Variants in HSD17B3 observed in about 807,000 individuals in gnomAD.
The protein encoded by HSD17B3 is 17-beta-hydroxysteroid dehydrogenase type 3.
Under a neutral mutation model 41.1 loss-of-function variants are expected in HSD17B3, and 29 were observed. The ratio of observed to expected loss-of-function variants is 0.71; its 90% confidence interval spans 0.53 to 0.96. The LOEUF is 0.96. HSD17B3 is among the 40% of genes least tolerant of loss of function. HSD17B3 has a pLI of 0.00. For synonymous variants in HSD17B3, 126 were observed against 145.6 expected, an observed-to-expected ratio of 0.87 and a Z score of 0.97; for missense variants, 323 against 374.6, an observed-to-expected ratio of 0.86 and a Z score of 1.14.
At chr9:96,266,189 A>G (rs781774277) in intron 2 of HSD17B3, among the ~76,000 whole-genome samples, 1 of 152,236 alleles carries the variant, frequency 6.6e-6, no homozygotes, top group Non-Finnish European at 1.5e-5. Flanking sequence ...ATCCTTTTAA[A>G]CCATAGGAAA....
At chr9:96,262,060 G>A (rs1825880436) in intron 2 of HSD17B3, among the ~76,000 whole-genome samples, 1 of 152,074 alleles carries the variant, frequency 6.6e-6, no homozygotes, top group Admixed American at 6.5e-5. Flanking sequence ...AGTGGCGGCA[G>A]AGAAAGAACC....
At chr9:96,298,911 A>T (rs1056922000) in intron 1 of HSD17B3, among the ~76,000 whole-genome samples, 31 of 152,244 alleles carry the variant, frequency 2.0e-4, no homozygotes, top group African/African-American at 7.5e-4. Flanking sequence ...CTAAAAGTGG[A>T]GCTCTGCCCA....
At chr9:96,250,258 C>T (rs920710347) in intron 5 of HSD17B3, 32 of 1,106,828 alleles carry the variant, frequency 2.9e-5, no homozygotes, top group Non-Finnish European at 3.2e-5. Flanking sequence ...GACACAGACA[C>T]TAGCACAAAC....
Position 96,246,595 on chromosome 9 carries a change from A to AAG in HSD17B3, c.490-7_490-6dup, listed in dbSNP as rs1836673720. Reference sequence around the variant, plus strand: ...TTTCAGAATTAGCTGTGTCATCTACAAGAGAAGGCCAAAGGTAAGCCCGAC... The same window carrying AAG: ...TTTCAGAATTAGCTGTGTCATCTACAAGAGAGAAGGCCAAAGGTAAGCCCGAC... On this transcript the variant is annotated splice_polypyrimidine_tract_variant and splice_region_variant and intron_variant, in intron 6 of 10. Coordinates refer to ENST00000375263, the MANE Select transcript of HSD17B3 (RefSeq NM_000197.2). 2 of 1,614,072 alleles carry AAG rather than the reference A, an allele frequency of 1.2e-6. No individual in the cohort carries two copies. The highest frequency in any genetic ancestry group is 4.5e-5 in the East Asian group (2 of 44,884).
At chr9:96,272,865 G>A (rs967696673) in intron 2 of HSD17B3, among the ~76,000 whole-genome samples, 1 of 152,102 alleles carries the variant, frequency 6.6e-6, no homozygotes. Context: ...CCATACCATG[G>A]AATTCTACTC....
chr9:96,290,906 G>A (rs1209293214), intron 2 of HSD17B3, among the ~76,000 whole-genome samples: 3 of 151,698 alleles, frequency 2.0e-5, no homozygotes, highest in African/African-American at 7.3e-5. Context: ...GACCAGAAAA[G>A]GGGATGTCTA....
rs1330308499 is a variant in HSD17B3 at position 96,291,092 on chromosome 9, G to A, written c.201+7324C>T. ...TTTCATTGCAGCTGCCACCATCCCC[G>A]CGAATGTCTGTGGAGATCTGAATTC... On this transcript the variant is annotated intron_variant, in intron 2 of 10. Transcript: ENST00000375263. Among the ~76,000 whole-genome samples, 4 of 152,048 alleles carry A rather than the reference G, an allele frequency of 2.6e-5. 1 individual carries two copies. Among genetic ancestry groups the A allele is most frequent in the Middle Eastern group, 6.3e-3 (2 of 316 alleles).
intron 1 of HSD17B3, among the ~76,000 whole-genome samples, chr9:96,300,254 G>GCA (rs141438731): frequency 4.2e-5 from 3 of 71,562 alleles, no homozygotes; most frequent in Non-Finnish European, 6.3e-5. Flanking sequence ...ACACACACAC[G>GCA]CACACAGCAA....
chr9:96,257,550 C>T (rs972056755), intron 2 of HSD17B3, among the ~76,000 whole-genome samples: 2 of 151,910 alleles, frequency 1.3e-5, no homozygotes, highest in Non-Finnish European at 2.9e-5. Context: ...TAAGCAGTGT[C>T]CTGCAATATT....
intron 2 of HSD17B3, among the ~76,000 whole-genome samples, chr9:96,270,960 G>GC (rs1313265445): frequency 1.4e-5 from 2 of 140,820 alleles, no homozygotes; most frequent in Non-Finnish European, 3.0e-5. Flanking sequence ...TCTCGGGGGG[G>GC]GGGGTTAAGA....
At chr9:96,264,561 C>T (rs1189909776) in intron 2 of HSD17B3, among the ~76,000 whole-genome samples, 20 of 152,062 alleles carry the variant, frequency 1.3e-4, no homozygotes, top group African/African-American at 3.6e-4. Flanking sequence ...TTAGTAGAGA[C>T]GGGGTTTTGC....
chr9:96,293,884 A>G (rs1424266035), intron 2 of HSD17B3, among the ~76,000 whole-genome samples: 1 of 152,154 alleles, frequency 6.6e-6, no homozygotes, highest in African/African-American at 2.4e-5. Flanking sequence ...GACTGTTATC[A>G]CTTCCAGCTC....
intron 2 of HSD17B3, among the ~76,000 whole-genome samples, chr9:96,284,215 T>TAAAAAAAAAAA (rs569621446): frequency 1.0e-5 from 1 of 100,210 alleles, no homozygotes; most frequent in Non-Finnish European, 2.0e-5. Context: ...GACTCCATCT[T>TAAAAAAAAAAA]AAAAAAAAAA....
At position 96,251,487 on chromosome 9, in the gene HSD17B3, T is replaced by C; in HGVS notation, c.386-2A>G. 1 of 1,614,014 alleles carries C rather than the reference T, an allele frequency of 6.2e-7. No homozygotes were observed. The highest frequency in any genetic ancestry group is 8.5e-7 in the Non-Finnish European group (1 of 1,179,880). On this transcript the variant is annotated splice_acceptor_variant, in intron 4 of 10. Coordinates refer to ENST00000375263, the MANE Select transcript of HSD17B3 (RefSeq NM_000197.2). LOFTEE classifies it high-confidence loss of function. The stretch of plus-strand genomic sequence containing the variant: ...TTGGAAGCATTCCGACATTGTTGAC[T>C]GGCAGAAAGAAGCAAAACAAAAATG...
intron 10 of HSD17B3, among the ~76,000 whole-genome samples, chr9:96,238,867 C>T (rs1836326180): frequency 6.6e-6 from 1 of 152,134 alleles, no homozygotes; most frequent in South Asian, 2.1e-4. Context: ...GGGCCATGGC[C>T]CCCACTCCTC....
chr9:96,280,922 C>A (rs1218321809), intron 2 of HSD17B3, among the ~76,000 whole-genome samples: 1 of 152,192 alleles, frequency 6.6e-6, no homozygotes, highest in African/African-American at 2.4e-5. Context: ...AGGAAGTTAT[C>A]CTATATGGTC....
intron 5 of HSD17B3, chr9:96,250,173 G>C: frequency 8.3e-7 from 1 of 1,199,030 alleles, no homozygotes; most frequent in Non-Finnish European, 1.0e-6. Flanking sequence ...ATATAAGGTA[G>C]AGGTTCTGGG....
intron 2 of HSD17B3, among the ~76,000 whole-genome samples, chr9:96,257,455 C>T (rs900522578): frequency 1.3e-5 from 2 of 151,578 alleles, no homozygotes; most frequent in Non-Finnish European, 2.9e-5. Flanking sequence ...ACTATCTCTG[C>T]ATTTACGGGC....
chr9:96,290,479 T>TC lies in HSD17B3; in HGVS notation c.201+7936dup, dbSNP rs1554703271. 4.1e-3 allele frequency among the ~76,000 whole-genome samples: 604 copies of TC among 146,490 alleles called. 6 individuals carry two copies. The highest frequency in any genetic ancestry group is 7.1e-3 in the Non-Finnish European group (475 of 66,884). On this transcript the variant is annotated intron_variant, in intron 2 of 10. Coordinates refer to ENST00000375263, the MANE Select transcript of HSD17B3 (RefSeq NM_000197.2). ...GGCTTTTTTTTTTTTTTTTTTTTTT[T>TC]CCACATATCCCAGACATTGCTGGAG...
Sources: gnomAD v4.1 joint callset for allele counts (sites outside exome capture counted in the v4.1 genomes callset) on GRCh38, gnomAD v4.1.1 for gene constraint, MANE v1.5 for transcripts, NCBI Gene and HGNC (gene_info 2026-07-23, HGNC 2026-07-21) for gene names.